The following ZSCAN4 variants were observed in gnomAD, a reference collection of about 807,000 sequenced individuals.
The protein encoded by ZSCAN4 is zinc finger and SCAN domain-containing protein 4.
ZSCAN4 carries 18 observed loss-of-function variants against 18.3 expected under a neutral mutation model. The ratio of observed to expected loss-of-function variants is 0.98; its 90% CI spans 0.68 to 1.46. The LOEUF (loss-of-function observed/expected upper bound fraction) is 1.46, where lower values mean the gene tolerates loss of function less well. ZSCAN4 is among the 40% of genes most tolerant of loss of function. ZSCAN4 has a pLI of 0.00. For synonymous variants in ZSCAN4, 193 were observed against 180.3 expected (o/e 1.07, Z -0.57); for missense variants, 498 against 511.4 (o/e 0.97, Z 0.25).
intron 2 of ZSCAN4, among the ~76,000 whole-genome samples, chr19:57,672,618 T>C (rs1007402832): frequency 2.6e-5 from 4 of 151,770 alleles, no homozygotes; most frequent in Non-Finnish European, 4.4e-5. Flanking sequence ...TTTTTTTTTT[T>C]TTGAGACAGA....
chr19:57,655,496 G>A, the ZSCAN4 span, among the ~76,000 whole-genome samples: 23 of 152,184 alleles, frequency 1.5e-4, no homozygotes, highest in South Asian at 3.5e-3. Context: ...TCTAAGGTTG[G>A]CCACCCTGTT....
At chr19:57,677,020 C>T (rs750025396) in intron 3 of ZSCAN4, among the ~76,000 whole-genome samples, 3 of 152,148 alleles carry the variant, frequency 2.0e-5, no homozygotes, top group Admixed American at 6.5e-5. Context: ...TCAAGTGATC[C>T]GCCTGCCTTG....
intron 2 of ZSCAN4, among the ~76,000 whole-genome samples, 161 bp from the exon 3 acceptor site, chr19:57,675,880 G>T (rs1984164619): frequency 6.6e-6 from 1 of 152,172 alleles, no homozygotes; most frequent in Non-Finnish European, 1.5e-5. Flanking sequence ...AGTAACTAAA[G>T]TGGGTAGTGC....
chr19:57,669,942 T>C (rs908009457), intron 1 of ZSCAN4, among the ~76,000 whole-genome samples: 5 of 151,948 alleles, frequency 3.3e-5, no homozygotes, highest in African/African-American at 1.2e-4. Flanking sequence ...TTGCTCTGTC[T>C]CCCAGGCTGG....
At chr19:57,672,050 A>C (rs1984038267) in intron 2 of ZSCAN4, among the ~76,000 whole-genome samples, 1 of 152,160 alleles carries the variant, frequency 6.6e-6, no homozygotes, top group African/African-American at 2.4e-5. Flanking sequence ...AAAGGGATTA[A>C]ATTCTTTATC....
At chr19:57,673,672 A>T (rs1329191220) in intron 2 of ZSCAN4, among the ~76,000 whole-genome samples, 3 of 151,958 alleles carry the variant, frequency 2.0e-5, no homozygotes, top group African/African-American at 2.4e-5. Context: ...ACATCTTCCC[A>T]TATGCCCCAC....
intron 2 of ZSCAN4, among the ~76,000 whole-genome samples, chr19:57,675,083 T>C (rs571278960): frequency 6.7e-6 from 1 of 150,070 alleles, no homozygotes; most frequent in Non-Finnish European, 1.5e-5. Context: ...ACCACTGAAG[T>C]AGCTGGGTTT....
intron 3 of ZSCAN4, among the ~76,000 whole-genome samples, chr19:57,676,823 G>T (rs1275331527): frequency 6.6e-6 from 1 of 152,214 alleles, no homozygotes; most frequent in Non-Finnish European, 1.5e-5. Context: ...CAGACTCTGA[G>T]AAATTGACTT....
Position 57,678,855 on chromosome 19 carries a change from C to T in ZSCAN4, c.1252C>T (p.His418Tyr), listed in dbSNP as rs759029463. 11 of 1,612,038 alleles carry T rather than the reference C, an allele frequency of 6.8e-6. No individual in the cohort carries two copies. Among genetic ancestry groups the T allele is most frequent in the Non-Finnish European group, 9.3e-6 (11 of 1,179,200 alleles). Residue 418 changes from histidine to tyrosine, a missense_variant, in exon 5 of 5, where the codon CAT (histidine) becomes TAT (tyrosine). By Grantham distance (83) the His-to-Tyr change is moderately conservative (BLOSUM62 2). Coordinates refer to ENST00000318203, the Ensembl canonical transcript of ZSCAN4. Reference sequence around the variant, plus strand: ...CACATACCACCGCCATATGAGGACTCATGAGAAAATTACCCTGCCAAGTGT... The same window carrying T: ...CACATACCACCGCCATATGAGGACTTATGAGAAAATTACCCTGCCAAGTGT...
In ZSCAN4 at chr19:57,672,262, G is replaced by A. The variant is rs796133281; in HGVS notation, c.-106+1695G>A. Reference sequence around the variant, plus strand: ...TTCTAAGGAATGGTAACTGTTAATGGGAAAAAAATTCAAGCAGAAAAGGTG... The same window carrying A: ...TTCTAAGGAATGGTAACTGTTAATGAGAAAAAAATTCAAGCAGAAAAGGTG... On this transcript the variant is annotated intron_variant, in intron 2 of 4. Coordinates refer to ENST00000318203, the Ensembl canonical transcript of ZSCAN4. 7.9e-5 allele frequency among the ~76,000 whole-genome samples: 12 copies of A among 152,122 alleles called. 1 individual carries two copies. Among genetic ancestry groups the A allele is most frequent in the African/African-American group, 2.9e-4 (12 of 41,498 alleles).
chr19:57,657,954 G>T, the ZSCAN4 span, among the ~76,000 whole-genome samples: 3 of 152,160 alleles, frequency 2.0e-5, no homozygotes, highest in Admixed American at 2.0e-4. Flanking sequence ...GTCTGTGCAT[G>T]TTCAGTACAG....
chr19:57,666,920 A>ATTATTATT (rs1210321523), upstream of ZSCAN4, among the ~76,000 whole-genome samples: 2 of 129,052 alleles, frequency 1.5e-5, no homozygotes, highest in Non-Finnish European at 3.5e-5. Flanking sequence ...TTATTATTCT[A>ATTATTATT]ATTGAAATCA....
At chr19:57,659,098 C>T in the ZSCAN4 span, among the ~76,000 whole-genome samples, 2 of 152,090 alleles carry the variant, frequency 1.3e-5, no homozygotes, top group South Asian at 2.1e-4. Context: ...CTAAGTTCCT[C>T]GCCCCCTTAA....
At chr19:57,676,851 T>G (rs1237603232) in intron 3 of ZSCAN4, among the ~76,000 whole-genome samples, 1 of 152,254 alleles carries the variant, frequency 6.6e-6, no homozygotes, top group Non-Finnish European at 1.5e-5. Flanking sequence ...TGATATCAGC[T>G]CACTGCAACC....
At chr19:57,664,604 C>T (rs1983807941), upstream of ZSCAN4, 2 of 170,864 alleles carry the variant, frequency 1.2e-5, no homozygotes, top group African/African-American at 4.7e-5. Context: ...GTAAAGACGG[C>T]TTCATCTGAC....
intron 2 of ZSCAN4, among the ~76,000 whole-genome samples, chr19:57,675,500 T>G (rs1984155720): frequency 6.6e-6 from 1 of 152,214 alleles, no homozygotes; most frequent in African/African-American, 2.4e-5. Flanking sequence ...CAGGCTAGTC[T>G]CGAACTCCTG....
At chr19:57,676,867 C>T (rs1409673541) in intron 3 of ZSCAN4, among the ~76,000 whole-genome samples, 1 of 152,206 alleles carries the variant, frequency 6.6e-6, no homozygotes, top group African/African-American at 2.4e-5. Context: ...CAACCTATGC[C>T]TCCCAGGCAC....
chr19:57,669,508 A>G (rs1600003214), intron 1 of ZSCAN4, among the ~76,000 whole-genome samples: 1 of 151,462 alleles, frequency 6.6e-6, no homozygotes, highest in African/African-American at 2.4e-5. Context: ...GCTCACTGCA[A>G]CCTCCGCCTC....
chr19:57,652,651 A>G, the ZSCAN4 span, among the ~76,000 whole-genome samples: 1 of 150,166 alleles, frequency 6.7e-6, no homozygotes, highest in African/African-American at 2.5e-5. Context: ...TTCTTTCTCC[A>G]CTGCATACAC....
Sources: gnomAD v4.1 joint callset for allele counts (sites outside exome capture counted in the v4.1 genomes callset) on GRCh38, gnomAD v4.1.1 for gene constraint, MANE v1.5 for transcripts, NCBI Gene and HGNC (gene_info 2026-07-23, HGNC 2026-07-21) for gene names.